POGK: variants seen among roughly 807,000 people sequenced by gnomAD.
POGK encodes the protein pogo transposable element with KRAB domain.
POGK carries 16 observed loss-of-function variants against 54.4 expected under a neutral mutation model. That is an observed-to-expected ratio of 0.29 (90% CI 0.20 to 0.45). The LOEUF is 0.45. Among genes scored for constraint, POGK ranks in the 20% least tolerant of loss-of-function variants. The pLI is 1.00. For synonymous variants in POGK, 271 were observed against 302.2 expected (o/e 0.90, Z 1.07); for missense variants, 515 against 795.6 (o/e 0.65, Z 4.24).
intron 2 of POGK, among the ~76,000 whole-genome samples, chr1:166,843,592 G>C (rs1480966889): frequency 6.6e-6 from 1 of 152,150 alleles, no homozygotes; most frequent in Non-Finnish European, 1.5e-5. Flanking sequence ...TTATATGATT[G>C]AGTGTCCTAT....
At chr1:166,844,287 C>T (rs1027665817) in intron 2 of POGK, among the ~76,000 whole-genome samples, 1 of 152,044 alleles carries the variant, frequency 6.6e-6, no homozygotes, top group African/African-American at 2.4e-5. Flanking sequence ...AAATGACAGG[C>T]ATAGACAGTC....
rs1657893693 is a variant in POGK at position 166,847,459 on chromosome 1, A to G, written c.260-35A>G. 1.9e-6 allele frequency: 3 copies of G among 1,545,380 alleles called. No individual in the cohort carries two copies. In the East Asian group the frequency reaches 6.8e-5, roughly 35 times the overall value. ...TTTGGTAGTGCTCCAGGACAGTAACACACAGCTGTTACCTATTTTATTTCC... is the reference window on the plus strand; with the variant it reads ...TTTGGTAGTGCTCCAGGACAGTAACGCACAGCTGTTACCTATTTTATTTCC... On this transcript the variant is annotated intron_variant, in intron 3 of 5. Coordinates refer to ENST00000367876, the MANE Select transcript of POGK (RefSeq NM_017542.5).
At chr1:166,841,449 A>G (rs1038197381) in intron 2 of POGK, among the ~76,000 whole-genome samples, 1 of 151,988 alleles carries the variant, frequency 6.6e-6, no homozygotes, top group African/African-American at 2.4e-5. Context: ...TTTAAATAAG[A>G]CTCGAGTCAT....
Position 166,854,857 on chromosome 1 carries a change from A to T in POGK, c.*2287A>T, listed in dbSNP as rs967422283. On this transcript the variant is annotated 3_prime_UTR_variant, in exon 6 of 6. Transcript: ENST00000367876. ...CAATTTACAGTGCCCATAAAGTAGT[A>T]GTTGATTCTCCAGGAATAATCTGGC... The T allele has an allele frequency of 2.6e-5, 4 of 151,724 alleles. No homozygotes were observed. Among genetic ancestry groups the T allele is most frequent in the Non-Finnish European group, 5.9e-5 (4 of 68,038 alleles). The allele number at this position is 151,724 out of a possible 1,614,324, so 9.4% of individuals were successfully genotyped here.
Position 166,849,594 on chromosome 1 carries a change from C to A in POGK, c.1015C>A (p.Leu339Ile), listed in dbSNP as rs758133548. Residue 339 changes from leucine (L) to isoleucine (I), a missense_variant, in exon 5 of 6, where the codon CTC (leucine) becomes ATC (isoleucine). Leu to Ile is a conservative substitution (Grantham distance 5, BLOSUM62 2). Coordinates refer to ENST00000367876, the MANE Select transcript of POGK (RefSeq NM_017542.5). ...CCTGCCGGAAGACCTGACTGAGAAACTCGTCACTTACCAGCGCAGTGTCCT... is the reference window on the plus strand; with the variant it reads ...CCTGCCGGAAGACCTGACTGAGAAAATCGTCACTTACCAGCGCAGTGTCCT... Reference protein sequence around the residue: ...QHLPEDLTEKLVTYQRSVLAL... With the variant: ...QHLPEDLTEKIVTYQRSVLAL... 6.2e-7 allele frequency: 1 copy of A among 1,614,284 alleles called. No individual in the cohort carries two copies. Among genetic ancestry groups the A allele is most frequent in the South Asian group, 1.1e-5 (1 of 91,090 alleles).
At chr1:166,843,637 G>A (rs1306846329) in intron 2 of POGK, among the ~76,000 whole-genome samples, 3 of 152,178 alleles carry the variant, frequency 2.0e-5, no homozygotes, top group African/African-American at 7.2e-5. Flanking sequence ...CTCCATCAGT[G>A]GATCAGTACA....
At chr1:166,847,713 A>G in intron 4 of POGK, 121 bp downstream of exon 4, 2 of 721,932 alleles carry the variant, frequency 2.8e-6, no homozygotes, top group Non-Finnish European at 2.3e-6. Context: ...GAGTTTTGAA[A>G]TCTCCCTCTT....
At chr1:166,843,293 A>G (rs954817139) in intron 2 of POGK, among the ~76,000 whole-genome samples, 2 of 152,202 alleles carry the variant, frequency 1.3e-5, no homozygotes, top group African/African-American at 4.8e-5. Context: ...AGGCCAGGCC[A>G]GGGGCCAGAG....
At chr1:166,841,771 A>G (rs981785707) in intron 2 of POGK, among the ~76,000 whole-genome samples, 2 of 152,326 alleles carry the variant, frequency 1.3e-5, no homozygotes, top group African/African-American at 4.8e-5. Context: ...TCCGTTGTGT[A>G]TAAACATTGT....
In POGK at chr1:166,849,847, C is replaced by T; in HGVS notation, c.1268C>T (p.Pro423Leu). ...PYIILRGTYI[P>L]PGKFPSGMEI... ...ATCATTTTGAGGGGAACATATATCC[C>T]CCCGGGGAAGTTTCCCAGTGGGATG... is the stretch of plus-strand genomic sequence containing the variant. The change falls in exon 5 of 6, where the codon CCC becomes CTC. Residue 423 changes from proline to leucine, a missense_variant. Coordinates refer to ENST00000367876, the MANE Select transcript of POGK (RefSeq NM_017542.5). 6.2e-7 allele frequency: 1 copy of T among 1,614,258 alleles called. No homozygotes were observed. Among genetic ancestry groups the T allele is most frequent in the Non-Finnish European group, 8.5e-7 (1 of 1,180,050 alleles).
rs569293572 is a variant in POGK, at chr1:166,846,421, CTG to C, written c.133-188_133-187del. ...AGCTGCTGTGGTGGGCACAGAAGGA[CTG>C]TGCTCTTGCCCTTGTTGGCTTCCAG... is the stretch of plus-strand genomic sequence containing the variant. On this transcript the variant is annotated intron_variant, in intron 2 of 5. Coordinates refer to ENST00000367876, the MANE Select transcript of POGK (RefSeq NM_017542.5). 3.3e-5 allele frequency among the ~76,000 whole-genome samples: 5 copies of C among 152,304 alleles called. No individual in the cohort carries two copies. The South Asian group carries it at 1.0e-3, about 32-fold the overall frequency.
In POGK at chr1:166,849,281, G is replaced by A. The variant is rs1229271766; in HGVS notation, c.702G>A (p.Trp234Ter). 6.2e-7 allele frequency: 1 copy of A among 1,614,204 alleles called. No homozygotes were observed. Among genetic ancestry groups the A allele is most frequent in the Non-Finnish European group, 8.5e-7 (1 of 1,180,052 alleles). ...FGVLEKNVRD[W>*]RKVKPQLQNA... The stretch of plus-strand genomic sequence containing the variant: ...TATTGGAAAAAAACGTTCGAGACTG[G>A]CGCAAAGTGAAGCCACAGCTTCAAA... Residue 234 changes from tryptophan (W) to a stop codon, truncating the protein, a stop_gained, in exon 5 of 6, where the codon TGG becomes TGA. Coordinates refer to ENST00000367876, the MANE Select transcript of POGK (RefSeq NM_017542.5). LOFTEE classifies it high-confidence loss of function.
At position 166,849,882 on chromosome 1, in the gene POGK, T is replaced by A; in HGVS notation, c.1303T>A (p.Cys435Ser). 1 of 1,614,246 alleles carries A rather than the reference T, an allele frequency of 6.2e-7. No homozygotes were observed. The highest frequency in any genetic ancestry group is 8.5e-7 in the Non-Finnish European group (1 of 1,180,046). Residue 435 changes from cysteine to serine, a missense_variant, in exon 5 of 6, where the codon TGC becomes AGC. By Grantham distance (112) the Cys-to-Ser change is moderately radical. Coordinates refer to ENST00000367876, the MANE Select transcript of POGK (RefSeq NM_017542.5). ...GKFPSGMEIRCHRYGWMTEDL... is the reference protein window; with the variant it reads ...GKFPSGMEIRSHRYGWMTEDL... Reference sequence around the variant, plus strand: ...GTTTCCCAGTGGGATGGAAATTCGCTGCCACCGGTATGGGTGGATGACTGA... The same window carrying A: ...GTTTCCCAGTGGGATGGAAATTCGCAGCCACCGGTATGGGTGGATGACTGA...
rs1355926283 is a variant in POGK at position 166,849,774 on chromosome 1, A to T, written c.1195A>T (p.Thr399Ser). 1 of 1,614,156 alleles carries T rather than the reference A, an allele frequency of 6.2e-7. No individual in the cohort carries two copies. The highest frequency in any genetic ancestry group is 1.7e-5 in the Admixed American group (1 of 60,016). ...ACCAGGCAGGGAAAAACTGAAAATC[A>T]CAGCAATGCTTGGTGTCTTGGCTGA... ...KTPGREKLKI[T>S]AMLGVLADGR... The change falls in exon 5 of 6, where the codon ACA (threonine) becomes TCA (serine). Residue 399 changes from threonine to serine, a missense_variant. This residue lies in a region of POGK where 461 missense variants were observed against 743.5 expected (regional missense o/e 0.62). Coordinates refer to ENST00000367876, the MANE Select transcript of POGK (RefSeq NM_017542.5).
intron 2 of POGK, among the ~76,000 whole-genome samples, chr1:166,842,610 C>T (rs1432976662): frequency 2.6e-5 from 4 of 152,244 alleles, no homozygotes; most frequent in Non-Finnish European, 5.9e-5. Context: ...GCTTCCTGGA[C>T]AAGGCCTAAT....
chr1:166,852,662 T>C lies in POGK; in HGVS notation c.*92T>C, dbSNP rs1163095286. On this transcript the variant is annotated 3_prime_UTR_variant, in exon 6 of 6. Coordinates refer to ENST00000367876, the MANE Select transcript of POGK (RefSeq NM_017542.5). The stretch of plus-strand genomic sequence containing the variant: ...TTCCTGAAAGTGTGGATGCGCTGGA[T>C]GCGCAGGGAACATCAGGAAAAGGCC... 6.6e-6 allele frequency: 1 copy of C among 152,218 alleles called. No individual in the cohort carries two copies. The highest frequency in any genetic ancestry group is 1.5e-5 in the Non-Finnish European group (1 of 68,046). The allele number at this position is 152,218 out of a possible 1,614,324, so 9.4% of individuals were successfully genotyped here.
rs56209549 is a variant in POGK, at chr1:166,848,355, A to G, written c.359-583A>G. 5.8e-3 allele frequency among the ~76,000 whole-genome samples: 877 copies of G among 152,352 alleles called. 10 individuals are homozygous for G. The highest frequency in any genetic ancestry group is 0.02 in the African/African-American group (846 of 41,582). On this transcript the variant is annotated intron_variant, in intron 4 of 5. Coordinates refer to ENST00000367876, the MANE Select transcript of POGK (RefSeq NM_017542.5). ...AGATAGGGTAATTTCCCCAAATCAT[A>G]TTCAACTTCTGTGACCACCTTCTAA... is the stretch of plus-strand genomic sequence containing the variant.
At chr1:166,841,201 T>G (rs1011805974) in intron 2 of POGK, 113 bp downstream of exon 2, 42 of 1,400,108 alleles carry the variant, frequency 3.0e-5, no homozygotes, top group Non-Finnish European at 2.9e-6. Context: ...CCCAGCCCGG[T>G]GTGTTTGCAT....
At position 166,855,865 on chromosome 1, in the gene POGK, G is replaced by C. The variant is rs1655089935; in HGVS notation, c.*3295G>C. ...ATTCCCTAGGCAGCATTAAGGCCCAGGTATATTGAGTAGTCCAAACCAAAA... is the reference window on the plus strand; with the variant it reads ...ATTCCCTAGGCAGCATTAAGGCCCACGTATATTGAGTAGTCCAAACCAAAA... On this transcript the variant is annotated 3_prime_UTR_variant, in exon 6 of 6. Coordinates refer to ENST00000367876, the MANE Select transcript of POGK (RefSeq NM_017542.5). The C allele has an allele frequency of 7.6e-6, 1 of 131,606 alleles. No individual in the cohort carries two copies. The highest frequency in any genetic ancestry group is 7.4e-5 in the Admixed American group (1 of 13,560). The allele number at this position is 131,606 out of a possible 1,614,324, so 8.2% of individuals were successfully genotyped here. A position where few individuals can be genotyped will look rare whatever the true frequency, so the allele number is the denominator to read the frequency against.
Sources: gnomAD v4.1 joint callset for allele counts (sites outside exome capture counted in the v4.1 genomes callset) on GRCh38, gnomAD v4.1.1 for gene constraint, gnomAD v4.1.1 regional missense constraint, MANE v1.5 for transcripts, NCBI Gene and HGNC (gene_info 2026-07-23, HGNC 2026-07-21) for gene names.